The following RNF150 variants were observed in gnomAD, a reference collection of about 807,000 sequenced individuals.
RNF150 encodes ring finger protein 150.
RNF150 carries 24 observed loss-of-function variants against 39.3 expected under a neutral mutation model. That is an observed-to-expected ratio of 0.61 (90% CI 0.44 to 0.86). RNF150 has a LOEUF of 0.86. RNF150 is among the 40% of genes least tolerant of loss of function. The probability of loss-of-function intolerance (pLI) is 0.00; values close to 1 mark genes in which losing one functional copy is unlikely to be tolerated. For synonymous variants in RNF150, 255 were observed against 227.3 expected, an observed-to-expected ratio of 1.12 and a Z score of -1.10; for missense variants, 502 against 587.8, an observed-to-expected ratio of 0.85 and a Z score of 1.51.
At chr4:141,003,192 G>A (rs1734733650) in intron 1 of RNF150, among the ~76,000 whole-genome samples, 1 of 152,124 alleles carries the variant, frequency 6.6e-6, no homozygotes, top group African/African-American at 2.4e-5. Flanking sequence ...TAAGAGGAAA[G>A]GGCCATGGGA....
At chr4:141,145,947 T>C (rs898518879) in intron 1 of RNF150, among the ~76,000 whole-genome samples, 1 of 152,220 alleles carries the variant, frequency 6.6e-6, no homozygotes, top group Admixed American at 6.5e-5. Context: ...TGCCTCAGTG[T>C]GTGTCTGGAG....
chr4:140,961,256 G>A (rs188488155), intron 2 of RNF150, among the ~76,000 whole-genome samples: 2 of 152,252 alleles, frequency 1.3e-5, no homozygotes, highest in Non-Finnish European at 2.9e-5. Context: ...ATGGGAAACT[G>A]AATTGAAATG....
chr4:140,967,518 G>A, intron 2 of RNF150, 105 bp downstream of exon 2: 1 of 801,918 alleles, frequency 1.2e-6, no homozygotes, highest in Non-Finnish European at 2.0e-6. Flanking sequence ...TTTATCTTGA[G>A]TGGGGATATT....
At chr4:141,165,720 G>A (rs1414920877) in intron 1 of RNF150, among the ~76,000 whole-genome samples, 1 of 152,052 alleles carries the variant, frequency 6.6e-6, no homozygotes, top group Admixed American at 6.6e-5. Context: ...ACAGAATTAA[G>A]GCAGAAATAA....
At chr4:141,098,101 A>G (rs1035691902) in intron 1 of RNF150, among the ~76,000 whole-genome samples, 1 of 152,218 alleles carries the variant, frequency 6.6e-6, no homozygotes, top group Non-Finnish European at 1.5e-5. Flanking sequence ...ATTATAAAAC[A>G]CTAAAAATCT....
chr4:140,895,626 A>T (rs973287712), intron 6 of RNF150, among the ~76,000 whole-genome samples: 1 of 152,202 alleles, frequency 6.6e-6, no homozygotes, highest in African/African-American at 2.4e-5. Context: ...TCTGCTTAGC[A>T]GTTACCAACT....
At chr4:141,020,282 G>A (rs1735443940) in intron 1 of RNF150, among the ~76,000 whole-genome samples, 1 of 152,110 alleles carries the variant, frequency 6.6e-6, no homozygotes, top group African/African-American at 2.4e-5. Flanking sequence ...CCCAATAAGA[G>A]TTTCATTTGG....
At chr4:140,968,435 T>C (rs993957382) in intron 1 of RNF150, among the ~76,000 whole-genome samples, 1 of 151,892 alleles carries the variant, frequency 6.6e-6, no homozygotes, top group African/African-American at 2.4e-5. Context: ...ATTAAGAAGC[T>C]CTAATATGAT....
intron 1 of RNF150, among the ~76,000 whole-genome samples, chr4:141,196,349 C>T (rs977621582): frequency 1.3e-5 from 2 of 152,190 alleles, no homozygotes; most frequent in African/African-American, 4.8e-5. Context: ...ATGACCCACA[C>T]TACATCAGTT....
chr4:141,116,200 C>T (rs984873185), intron 1 of RNF150, among the ~76,000 whole-genome samples: 49 of 152,166 alleles, frequency 3.2e-4, no homozygotes, highest in African/African-American at 1.1e-3. Flanking sequence ...TCAGAGTGAA[C>T]AGGCAACCTA....
chr4:141,130,125 TC>T (rs1271972105), intron 1 of RNF150, among the ~76,000 whole-genome samples: 2 of 152,210 alleles, frequency 1.3e-5, no homozygotes, highest in Non-Finnish European at 2.9e-5. Context: ...AGTAAAGCTT[TC>T]AAGATCTGGA....
intron 6 of RNF150, among the ~76,000 whole-genome samples, chr4:140,906,638 A>G (rs1273041568): frequency 2.0e-5 from 3 of 152,298 alleles, no homozygotes; most frequent in East Asian, 3.9e-4. Flanking sequence ...ATCATTTTTC[A>G]TTTCAACTGG....
chr4:141,146,410 A>G (rs1727201539), intron 1 of RNF150, among the ~76,000 whole-genome samples: 1 of 152,224 alleles, frequency 6.6e-6, no homozygotes, highest in Admixed American at 6.5e-5. Context: ...TCATGCAAAT[A>G]ACTTTAATTG....
chr4:140,969,722 G>A (rs1414544647), intron 1 of RNF150, among the ~76,000 whole-genome samples: 1 of 147,458 alleles, frequency 6.8e-6, no homozygotes, highest in Non-Finnish European at 1.5e-5. Context: ...GGTTATTTAT[G>A]AGGCTTTGGA....
In RNF150 at chr4:140,868,286, T is replaced by C. The variant is rs756204391; in HGVS notation, c.1292A>G (p.Gln431Arg). 2 of 1,602,778 alleles carry C rather than the reference T, an allele frequency of 1.2e-6. No individual in the cohort carries two copies. Among genetic ancestry groups the C allele is most frequent in the Non-Finnish European group, 1.7e-6 (2 of 1,169,674 alleles). Residue 431 changes from glutamine (Q) to arginine (R), a missense_variant, in exon 7 of 7, where the codon CAG (glutamine) becomes CGG (arginine). Transcript: ENST00000515673. ...TCAAGATTTCACTTCTTCACAGTCCTGGTCAGTGGAAAGTTCTACATCAGA... is the reference window on the plus strand; with the variant it reads ...TCAAGATTTCACTTCTTCACAGTCCCGGTCAGTGGAAAGTTCTACATCAGA... ...GLSDVELSTD[Q>R]DCEEVKS
At chr4:141,041,286 C>T (rs940815099) in intron 1 of RNF150, among the ~76,000 whole-genome samples, 6 of 152,074 alleles carry the variant, frequency 3.9e-5, no homozygotes, top group Non-Finnish European at 7.4e-5. Flanking sequence ...TAAATCACAA[C>T]ATACCATGGC....
At chr4:141,118,169 CAA>C (rs1161799151) in intron 1 of RNF150, among the ~76,000 whole-genome samples, 3 of 152,102 alleles carry the variant, frequency 2.0e-5, no homozygotes, top group African/African-American at 7.2e-5. Flanking sequence ...TACATGGCCC[CAA>C]ACTCATGAAT....
At chr4:140,899,653 C>T (rs771933158) in intron 6 of RNF150, among the ~76,000 whole-genome samples, 1 of 151,918 alleles carries the variant, frequency 6.6e-6, no homozygotes, top group Admixed American at 6.6e-5. Context: ...GCCTATGGAG[C>T]GAGGAGGAAG....
At chr4:141,094,493 G>T (rs1738703052) in intron 1 of RNF150, among the ~76,000 whole-genome samples, 1 of 152,222 alleles carries the variant, frequency 6.6e-6, no homozygotes, top group South Asian at 2.1e-4. Flanking sequence ...AATATTTAAG[G>T]TTTTGCAGGC....
Sources: gnomAD v4.1 joint callset for allele counts (sites outside exome capture counted in the v4.1 genomes callset) on GRCh38, gnomAD v4.1.1 for gene constraint, MANE v1.5 for transcripts, NCBI Gene and HGNC (gene_info 2026-07-23, HGNC 2026-07-21) for gene names.